Variants in KAZN observed in about 807,000 individuals in gnomAD.
KAZN encodes kazrin.
Under a neutral mutation model 87.4 loss-of-function variants are expected in KAZN, and 40 were observed. The ratio of observed to expected loss-of-function variants is 0.46; its 90% CI spans 0.36 to 0.60. The LOEUF (loss-of-function observed/expected upper bound fraction) is 0.60. Among genes scored for constraint, KAZN ranks in the 20% least tolerant of loss-of-function variants. The pLI is 0.00. For missense variants in KAZN, 898 were observed against 1,073.9 expected (o/e 0.84, Z 2.29); for synonymous variants, 466 against 458.3 (o/e 1.02, Z -0.22).
At chr1:14,018,498 T>C (rs1322213144) in intron 1 of KAZN, among the ~76,000 whole-genome samples, 1 of 152,106 alleles carries the variant, frequency 6.6e-6, no homozygotes, top group African/African-American at 2.4e-5. Context: ...ATGGTTAATT[T>C]TGGGTGTCAA....
chr1:13,941,101 G>A (rs1251837450), intron 1 of KAZN, among the ~76,000 whole-genome samples: 1 of 152,074 alleles, frequency 6.6e-6, no homozygotes, highest in Non-Finnish European at 1.5e-5. Context: ...GGCTGAGGGG[G>A]AGAGAATCGC....
intron 1 of KAZN, among the ~76,000 whole-genome samples, chr1:14,851,525 G>A (rs1157891302): frequency 1.3e-5 from 2 of 152,212 alleles, no homozygotes; most frequent in East Asian, 3.9e-4. Context: ...CAAGAACAAA[G>A]GCACCCCTCA....
chr1:14,417,906 G>A (rs921700786), intron 2 of KAZN, among the ~76,000 whole-genome samples: 2 of 147,522 alleles, frequency 1.4e-5, no homozygotes, highest in African/African-American at 2.5e-5. Context: ...CGAGGCAGGA[G>A]AATGGCGTGA....
chr1:14,759,424 T>G (rs1644671666), intron 1 of KAZN, among the ~76,000 whole-genome samples: 1 of 152,220 alleles, frequency 6.6e-6, no homozygotes. Context: ...TGTTTTACAG[T>G]CTGCTGTTAG....
chr1:14,052,485 C>A (rs1395511600), intron 1 of KAZN, among the ~76,000 whole-genome samples: 1 of 151,826 alleles, frequency 6.6e-6, no homozygotes, highest in Admixed American at 6.6e-5. Context: ...TAAGATCATA[C>A]CCTGTGATGC....
At chr1:14,770,906 T>C (rs1368180079) in intron 1 of KAZN, among the ~76,000 whole-genome samples, 1 of 152,124 alleles carries the variant, frequency 6.6e-6, no homozygotes, top group Non-Finnish European at 1.5e-5. Flanking sequence ...AAAATGTCAA[T>C]TTACTGAGAA....
intron 1 of KAZN, among the ~76,000 whole-genome samples, chr1:14,017,885 G>A (rs1640644234): frequency 6.6e-6 from 1 of 152,190 alleles, no homozygotes; most frequent in Non-Finnish European, 1.5e-5. Context: ...AGAGCCACGT[G>A]TTGTTGCTAA....
intron 2 of KAZN, among the ~76,000 whole-genome samples, chr1:14,988,382 C>A (rs1046287920): frequency 6.6e-6 from 1 of 152,246 alleles, no homozygotes; most frequent in East Asian, 1.9e-4. Flanking sequence ...TTTCTCTCCC[C>A]ACCCTGCTGG....
chr1:14,963,710 G>C (rs1664144859), intron 2 of KAZN, among the ~76,000 whole-genome samples: 1 of 152,126 alleles, frequency 6.6e-6, no homozygotes, highest in Admixed American at 6.5e-5. Flanking sequence ...GTGCCATGGT[G>C]GTTTGCTGCA....
At chr1:14,478,237 G>A (rs1186534923) in intron 2 of KAZN, among the ~76,000 whole-genome samples, 1 of 146,950 alleles carries the variant, frequency 6.8e-6, no homozygotes, top group African/African-American at 2.6e-5. Flanking sequence ...AGGAAGGAAG[G>A]AAGGAAGGAA....
At chr1:14,011,140 A>C (rs1640284613) in intron 1 of KAZN, among the ~76,000 whole-genome samples, 1 of 152,172 alleles carries the variant, frequency 6.6e-6, no homozygotes, top group African/African-American at 2.4e-5. Flanking sequence ...GGTAGATATG[A>C]GATGTGCCCT....
chr1:14,528,366 GA>G (rs1214491649), intron 2 of KAZN, among the ~76,000 whole-genome samples: 1 of 117,750 alleles, frequency 8.5e-6, no homozygotes, highest in Non-Finnish European at 1.9e-5. Flanking sequence ...AAAAAAGAAA[GA>G]AAAAAAGGAA....
chr1:14,785,598 C>A (rs1230395009), intron 1 of KAZN, among the ~76,000 whole-genome samples: 1 of 152,148 alleles, frequency 6.6e-6, no homozygotes, highest in Non-Finnish European at 1.5e-5. Context: ...TCCCCACCTG[C>A]CCTTTGCAGA....
intron 2 of KAZN, among the ~76,000 whole-genome samples, chr1:14,382,656 T>A (rs974667473): frequency 1.2e-4 from 17 of 147,490 alleles, no homozygotes; most frequent in African/African-American, 4.2e-4. Context: ...ACTGATCATT[T>A]TTTATGGCTG....
At chr1:14,172,596 C>A (rs4662130) in intron 1 of KAZN, among the ~76,000 whole-genome samples, 1 of 152,214 alleles carries the variant, frequency 6.6e-6, no homozygotes, top group African/African-American at 2.4e-5. Context: ...CAAAACTAAG[C>A]GATGGAAATC....
intron 1 of KAZN, among the ~76,000 whole-genome samples, chr1:14,624,295 G>A (rs551593702): frequency 1.3e-5 from 2 of 152,142 alleles, no homozygotes; most frequent in South Asian, 4.1e-4. Flanking sequence ...GGTGGCATGT[G>A]CCTGTAGTCC....
chr1:14,948,966 G>A (rs184075071), intron 1 of KAZN, among the ~76,000 whole-genome samples: 13 of 152,076 alleles, frequency 8.5e-5, no homozygotes, highest in African/African-American at 2.9e-4. Context: ...AGACCAGCCT[G>A]GCCAACATGG....
intron 2 of KAZN, among the ~76,000 whole-genome samples, chr1:14,243,733 C>G (rs1571121197): frequency 6.6e-6 from 1 of 152,264 alleles, no homozygotes; most frequent in South Asian, 2.1e-4. Context: ...CTAGGGGCAG[C>G]CTTATTTATC....
At chr1:14,338,100 C>T (rs1657403968) in intron 2 of KAZN, among the ~76,000 whole-genome samples, 1 of 152,000 alleles carries the variant, frequency 6.6e-6, no homozygotes, top group Non-Finnish European at 1.5e-5. Context: ...TCTCAATCTG[C>T]CTAAGGCAAT....
Sources: gnomAD v4.1 joint callset for allele counts (sites outside exome capture counted in the v4.1 genomes callset) on GRCh38, gnomAD v4.1.1 for gene constraint, MANE v1.5 for transcripts, NCBI Gene and HGNC (gene_info 2026-07-23, HGNC 2026-07-21) for gene names.